Variants in CARMIL1 observed in about 807,000 individuals in gnomAD.
CARMIL1 encodes capping protein regulator and myosin 1 linker 1, also known as F-actin-uncapping protein LRRC16A.
A neutral mutation model predicts 177.1 loss-of-function variants in CARMIL1; 90 were observed. That is an observed-to-expected ratio of 0.51 (90% CI 0.43 to 0.61). CARMIL1 has a LOEUF of 0.61. CARMIL1 is among the 20% of genes least tolerant of loss of function. CARMIL1 has a pLI of 0.00. For synonymous variants in CARMIL1, 577 were observed against 606.2 expected (o/e 0.95, Z 0.71); for missense variants, 1,380 against 1,667.0 (o/e 0.83, Z 3.00).
chr6:25,377,414 C>A (rs897811553), intron 2 of CARMIL1, among the ~76,000 whole-genome samples: 2 of 152,192 alleles, frequency 1.3e-5, no homozygotes, highest in Non-Finnish European at 2.9e-5. Flanking sequence ...TGTACTTCTT[C>A]TTCCCTTAGG....
At chr6:25,351,670 G>A (rs989608641) in intron 2 of CARMIL1, among the ~76,000 whole-genome samples, 1 of 152,194 alleles carries the variant, frequency 6.6e-6, no homozygotes, top group Non-Finnish European at 1.5e-5. Context: ...CAAGGGACTT[G>A]AAGTCAAACA....
chr6:25,561,535 T>G (rs1000114493), intron 29 of CARMIL1, among the ~76,000 whole-genome samples: 10 of 152,240 alleles, frequency 6.6e-5, no homozygotes, highest in Admixed American at 5.9e-4. Flanking sequence ...TCTCCAATGA[T>G]AAAATAGCAA....
At chr6:25,563,841 A>G in intron 29 of CARMIL1, 1 of 985,414 alleles carries the variant, frequency 1.0e-6, no homozygotes, top group Non-Finnish European at 1.2e-6. Context: ...GAAGCTATGA[A>G]TCTACCACTG....
chr6:25,330,717 T>G (rs183536141), intron 2 of CARMIL1, among the ~76,000 whole-genome samples: 4 of 149,122 alleles, frequency 2.7e-5, no homozygotes, highest in Non-Finnish European at 3.0e-5. Context: ...CAGATGAGGA[T>G]GGGATCTGGA....
chr6:25,466,436 G>T (rs1397849035), intron 9 of CARMIL1, among the ~76,000 whole-genome samples: 2 of 152,170 alleles, frequency 1.3e-5, no homozygotes, highest in Non-Finnish European at 1.5e-5. Context: ...TGAAATTAAA[G>T]TGAAATCTGT....
At chr6:25,619,352 C>A in intron 36 of CARMIL1, 95 bp from the exon 37 acceptor site, 1 of 1,341,730 alleles carries the variant, frequency 7.5e-7, no homozygotes, top group Non-Finnish European at 1.0e-6. Context: ...CTCCCCTCCC[C>A]CAAACCTTCA....
chr6:25,440,846 T>C (rs2150792201), intron 5 of CARMIL1, among the ~76,000 whole-genome samples: 1 of 152,236 alleles, frequency 6.6e-6, no homozygotes, highest in Non-Finnish European at 1.5e-5. Context: ...TGAGCCTGTC[T>C]TGGGGGTCCT....
At chr6:25,304,551 C>T (rs747742436) in intron 2 of CARMIL1, among the ~76,000 whole-genome samples, 23 of 152,114 alleles carry the variant, frequency 1.5e-4, no homozygotes, top group African/African-American at 5.3e-4. Context: ...GTAGGGTTCA[C>T]GCTCCTATGA....
chr6:25,607,373 A>AT (rs1277997417), intron 35 of CARMIL1, among the ~76,000 whole-genome samples: 7 of 152,232 alleles, frequency 4.6e-5, no homozygotes, highest in African/African-American at 1.7e-4. Context: ...TCAGATCATC[A>AT]TCATGGCTAA....
At chr6:25,282,087 C>A (rs1781163112) in intron 1 of CARMIL1, among the ~76,000 whole-genome samples, 1 of 142,550 alleles carries the variant, frequency 7.0e-6, no homozygotes, top group African/African-American at 2.7e-5. Context: ...TTCATTCCAG[C>A]CTGGGCAATA....
chr6:25,534,436 T>C (rs1381330504), intron 24 of CARMIL1, among the ~76,000 whole-genome samples: 1 of 152,112 alleles, frequency 6.6e-6, no homozygotes, highest in Non-Finnish European at 1.5e-5. Flanking sequence ...TGTCTGGATG[T>C]ACCACTGCTT....
chr6:25,478,430 A>G (rs896081917), intron 11 of CARMIL1, among the ~76,000 whole-genome samples: 2 of 152,192 alleles, frequency 1.3e-5, no homozygotes, highest in Non-Finnish European at 2.9e-5. Flanking sequence ...TACCTACCAA[A>G]TAAGAATGTT....
rs368675761 is a variant in CARMIL1, at chr6:25,471,151, G to A, written c.691-18G>A. On this transcript the variant is annotated intron_variant, in intron 9 of 36. Coordinates refer to ENST00000329474, the MANE Select transcript of CARMIL1 (RefSeq NM_017640.6). ...TCTTTAGAGTTATGGAATAGTCAAA[G>A]AATGTTTTCTGTTACAGTCCACTGA... 3 of 1,547,240 alleles carry A rather than the reference G, an allele frequency of 1.9e-6. No homozygotes were observed. Among genetic ancestry groups the A allele is most frequent in the Admixed American group, 3.6e-5 (2 of 55,332 alleles).
At chr6:25,417,221 C>T (rs963256122) in intron 2 of CARMIL1, among the ~76,000 whole-genome samples, 3 of 152,004 alleles carry the variant, frequency 2.0e-5, no homozygotes, top group South Asian at 2.1e-4. Context: ...TCTTGTATTC[C>T]GCTCCCCAGA....
At chr6:25,589,554 C>T (rs1582457714) in intron 31 of CARMIL1, among the ~76,000 whole-genome samples, 1 of 152,152 alleles carries the variant, frequency 6.6e-6, no homozygotes, top group Non-Finnish European at 1.5e-5. Context: ...GTGGTGCGAT[C>T]TCAGTTCACT....
chr6:25,382,942 T>C (rs911409727), intron 2 of CARMIL1, among the ~76,000 whole-genome samples: 1 of 152,122 alleles, frequency 6.6e-6, no homozygotes, highest in Non-Finnish European at 1.5e-5. Flanking sequence ...GCCTTATATT[T>C]CTTATTATAT....
intron 32 of CARMIL1, among the ~76,000 whole-genome samples, chr6:25,599,183 C>T (rs547639268): frequency 6.6e-6 from 1 of 152,322 alleles, no homozygotes; most frequent in African/African-American, 2.4e-5. Flanking sequence ...AGAGAACCTT[C>T]CTGTCTTCAT....
At chr6:25,366,225 A>G (rs1789779337) in intron 2 of CARMIL1, among the ~76,000 whole-genome samples, 1 of 151,882 alleles carries the variant, frequency 6.6e-6, no homozygotes, top group Non-Finnish European at 1.5e-5. Context: ...TTAAACTCCT[A>G]GCCTCAAGCA....
At chr6:25,445,693 T>G (rs971853686) in intron 5 of CARMIL1, among the ~76,000 whole-genome samples, 2 of 151,916 alleles carry the variant, frequency 1.3e-5, no homozygotes, top group Non-Finnish European at 2.9e-5. Flanking sequence ...CGCCACCAGG[T>G]CCGGCTAATT....
Sources: gnomAD v4.1 joint callset for allele counts (sites outside exome capture counted in the v4.1 genomes callset) on GRCh38, gnomAD v4.1.1 for gene constraint, MANE v1.5 for transcripts, NCBI Gene and HGNC (gene_info 2026-07-23, HGNC 2026-07-21) for gene names.